The following GPC5 variants were observed in gnomAD, a reference collection of about 807,000 sequenced individuals.
GPC5 encodes glypican-5.
A neutral mutation model predicts 53.9 loss-of-function variants in GPC5; 47 were observed. The ratio of observed to expected loss-of-function variants is 0.87; its 90% CI spans 0.69 to 1.11. The LOEUF (loss-of-function observed/expected upper bound fraction) is 1.11, where lower values mean the gene tolerates loss of function less well. Ranked by LOEUF, GPC5 falls within the 50% of genes most tolerant of loss-of-function variation. The pLI is 0.00. For missense variants in GPC5, 748 were observed against 713.1 expected (o/e 1.05, Z -0.56); for synonymous variants, 286 against 263.3 (o/e 1.09, Z -0.84).
At chr13:92,500,438 C>T (rs7326960) in intron 7 of GPC5, among the ~76,000 whole-genome samples, 133 of 152,262 alleles carry the variant, frequency 8.7e-4, no homozygotes, top group African/African-American at 3.2e-3. Context: ...CAATCATGCA[C>T]CGCAGATGGT....
At chr13:92,149,144 G>A (rs2041889404) in intron 7 of GPC5, among the ~76,000 whole-genome samples, 1 of 151,986 alleles carries the variant, frequency 6.6e-6, no homozygotes, top group Non-Finnish European at 1.5e-5. Flanking sequence ...TCAATCTTTG[G>A]ATTTATTTTG....
At chr13:92,447,886 C>T (rs944480550) in intron 7 of GPC5, 4 of 152,112 alleles carry the variant, frequency 2.6e-5, no homozygotes, top group African/African-American at 9.6e-5. Context: ...GTACAATTAA[C>T]TATGATTTAT....
At chr13:92,410,170 G>A (rs533359054) in intron 7 of GPC5, among the ~76,000 whole-genome samples, 1 of 152,264 alleles carries the variant, frequency 6.6e-6, no homozygotes, top group South Asian at 2.1e-4. Context: ...AAAAGGTACA[G>A]AGAAGCAATG....
chr13:91,731,189 T>A (rs2036689475), intron 4 of GPC5, among the ~76,000 whole-genome samples: 1 of 152,216 alleles, frequency 6.6e-6, no homozygotes, highest in Non-Finnish European at 1.5e-5. Context: ...GCATAGCAGG[T>A]GTCAGGACAT....
At chr13:92,126,533 C>T (rs1251361762) in intron 6 of GPC5, among the ~76,000 whole-genome samples, 1 of 152,104 alleles carries the variant, frequency 6.6e-6, no homozygotes, top group Non-Finnish European at 1.5e-5. Context: ...CAAACTGCTG[C>T]TGATGGGCCG....
chr13:92,758,994 GTTTTTTTT>G (rs68182839), intron 7 of GPC5, among the ~76,000 whole-genome samples: 10 of 70,576 alleles, frequency 1.4e-4, no homozygotes, highest in Admixed American at 8.3e-4. Flanking sequence ...TCCCATTGCG[GTTTTTTTT>G]TTTTTTTTTT....
At chr13:92,792,821 A>G (rs1426913812) in intron 7 of GPC5, among the ~76,000 whole-genome samples, 1 of 152,186 alleles carries the variant, frequency 6.6e-6, no homozygotes, top group Non-Finnish European at 1.5e-5. Context: ...CATCAATTCA[A>G]CAAGAAGAGC....
intron 5 of GPC5, among the ~76,000 whole-genome samples, chr13:91,852,161 A>G (rs914065390): frequency 1.3e-5 from 2 of 152,108 alleles, no homozygotes; most frequent in African/African-American, 2.4e-5. Flanking sequence ...TTTTTACTTT[A>G]CAAGCATTAG....
chr13:91,904,140 C>CTTTTTTTTTTTTTTT (rs57293387), intron 5 of GPC5, among the ~76,000 whole-genome samples: 12 of 94,602 alleles, frequency 1.3e-4, no homozygotes, highest in African/African-American at 1.8e-4. Context: ...TCTTTTCTTT[C>CTTTTTTTTTTTTTTT]TTTTTTTTTT....
At chr13:92,499,047 A>G (rs1485652835) in intron 7 of GPC5, among the ~76,000 whole-genome samples, 1 of 152,142 alleles carries the variant, frequency 6.6e-6, no homozygotes, top group East Asian at 1.9e-4. Context: ...GTAGAGTGTG[A>G]TGTGTGGGAC....
intron 2 of GPC5, among the ~76,000 whole-genome samples, chr13:91,453,562 C>T (rs915181010): frequency 1.3e-5 from 2 of 151,920 alleles, no homozygotes; most frequent in Non-Finnish European, 2.9e-5. Context: ...AGAATAAAGG[C>T]GTATTGCTAT....
At chr13:92,769,650 A>G (rs1875537612) in intron 7 of GPC5, among the ~76,000 whole-genome samples, 1 of 152,206 alleles carries the variant, frequency 6.6e-6, no homozygotes, top group Non-Finnish European at 1.5e-5. Flanking sequence ...TAAACACAAC[A>G]TAAGTGAAAT....
At chr13:92,755,284 GA>G (rs1320720719) in intron 7 of GPC5, among the ~76,000 whole-genome samples, 3 of 141,140 alleles carry the variant, frequency 2.1e-5, no homozygotes, top group African/African-American at 8.0e-5. Flanking sequence ...AAACCAACGA[GA>G]ACAAAGACAC....
rs147486994 is a variant in GPC5 at position 91,477,208 on chromosome 13, C to T, written c.325+28286C>T. Among the ~76,000 whole-genome samples the T allele has an allele frequency of 1.6e-3, 241 of 152,014 alleles. 1 individual carries two copies. Among genetic ancestry groups the T allele is most frequent in the African/African-American group, 5.6e-3 (233 of 41,450 alleles). On this transcript the variant is annotated intron_variant, in intron 2 of 7. Transcript: ENST00000377067. The stretch of plus-strand genomic sequence containing the variant: ...TGTAATACATTTCATAATAATATGA[C>T]ATTGTAGCAATACAGGCAAGAAATT...
chr13:92,598,513 G>C lies in GPC5; in HGVS notation c.1562-267769G>C, dbSNP rs1214669132. ...AGATTATGAAGATTTTTGTTGCTCT[G>C]ATCCTCTCTTATTTAACCCTTTTTA... On this transcript the variant is annotated intron_variant, in intron 7 of 7. Transcript: ENST00000377067. Among the ~76,000 whole-genome samples the C allele has an allele frequency of 2.0e-5, 3 of 151,812 alleles. No homozygotes were observed. In the South Asian group the frequency reaches 6.2e-4, roughly 32 times the overall value.
At chr13:91,602,539 G>T (rs906441811) in intron 2 of GPC5, among the ~76,000 whole-genome samples, 2 of 152,198 alleles carry the variant, frequency 1.3e-5, no homozygotes, top group African/African-American at 4.8e-5. Flanking sequence ...AAAATATGCA[G>T]CAAAGTTATT....
intron 3 of GPC5, among the ~76,000 whole-genome samples, chr13:91,697,720 T>G (rs1566618889): frequency 6.6e-6 from 1 of 152,064 alleles, no homozygotes; most frequent in Non-Finnish European, 1.5e-5. Flanking sequence ...AAATCCTATT[T>G]CTTAGTAATT....
At chr13:92,603,808 A>G (rs1884162447) in intron 7 of GPC5, among the ~76,000 whole-genome samples, 1 of 152,174 alleles carries the variant, frequency 6.6e-6, no homozygotes, top group Non-Finnish European at 1.5e-5. Context: ...CCATCATTCA[A>G]TAAATTGCCA....
intron 7 of GPC5, among the ~76,000 whole-genome samples, chr13:92,340,202 A>C (rs1416737649): frequency 6.6e-6 from 1 of 152,188 alleles, no homozygotes; most frequent in African/African-American, 2.4e-5. Context: ...AGTTGTATGA[A>C]AATGGTAATT....
Sources: gnomAD v4.1 joint callset for allele counts (sites outside exome capture counted in the v4.1 genomes callset) on GRCh38, gnomAD v4.1.1 for gene constraint, MANE v1.5 for transcripts, NCBI Gene and HGNC (gene_info 2026-07-23, HGNC 2026-07-21) for gene names.